Variants in LRRC37A2 observed in about 807,000 individuals in gnomAD.
LRRC37A2 encodes the protein leucine-rich repeat-containing protein 37A2.
In LRRC37A2, 9 loss-of-function variants were observed where a neutral mutation model predicts 68.8. That is an observed-to-expected ratio of 0.13 (90% CI 0.08 to 0.23). LRRC37A2 has a LOEUF of 0.23. Ranked by LOEUF, LRRC37A2 falls within the 10% of genes least tolerant of loss-of-function variation. LRRC37A2 has a pLI of 1.00. For synonymous variants in LRRC37A2, 63 were observed against 367.6 expected, an observed-to-expected ratio of 0.17 and a Z score of 9.48; for missense variants, 168 against 950.4, an observed-to-expected ratio of 0.18 and a Z score of 10.82.
chr17:47,022,168 C>CTTTTTTTTTTTTTTTT, the LRRC37A2 span, among the ~76,000 whole-genome samples: 4 of 19,708 alleles, frequency 2.0e-4, no homozygotes, highest in Non-Finnish European at 2.9e-4. Context: ...TTTTTGTTCT[C>CTTTTTTTTTTTTTTTT]TTTTTTTTTT....
chr17:46,885,452 A>C, the LRRC37A2 span: 2 of 157,934 alleles, frequency 1.3e-5, no homozygotes. Context: ...ACAGGCGTGC[A>C]CCACCACGCT....
chr17:46,602,172 TTTTG>T, the LRRC37A2 span, among the ~76,000 whole-genome samples: 9 of 118,546 alleles, frequency 7.6e-5, no homozygotes, highest in African/African-American at 3.1e-4. Flanking sequence ...CGAGACAGTT[TTTTG>T]TTTGTTTGTT....
At chr17:46,502,515 T>C in the LRRC37A2 span, among the ~76,000 whole-genome samples, 1 of 150,860 alleles carries the variant, frequency 6.6e-6, no homozygotes, top group Non-Finnish European at 1.5e-5. Flanking sequence ...TTGGTCAGGC[T>C]GGTCTCGAAC....
chr17:46,897,677 G>T, the LRRC37A2 span, among the ~76,000 whole-genome samples: 7 of 151,662 alleles, frequency 4.6e-5, no homozygotes, highest in Non-Finnish European at 1.0e-4. Flanking sequence ...TGTAGAGATG[G>T]GGTCTCACCG....
At chr17:46,971,005 G>C in the LRRC37A2 span, among the ~76,000 whole-genome samples, 3 of 152,140 alleles carry the variant, frequency 2.0e-5, no homozygotes, top group African/African-American at 7.2e-5. Flanking sequence ...GCTACTGTTT[G>C]CCAACATTTT....
the LRRC37A2 span, among the ~76,000 whole-genome samples, chr17:46,958,987 A>T: frequency 3.3e-4 from 50 of 152,338 alleles, no homozygotes; most frequent in East Asian, 8.9e-3. Context: ...GCCAATGCAA[A>T]AATAAGAGGT....
the LRRC37A2 span, among the ~76,000 whole-genome samples, chr17:46,711,396 A>C: frequency 6.6e-6 from 1 of 152,224 alleles, no homozygotes; most frequent in Non-Finnish European, 1.5e-5. Context: ...ACTTAGCCTC[A>C]ATTCAATTAA....
At chr17:46,834,692 C>G in the LRRC37A2 span, among the ~76,000 whole-genome samples, 1 of 152,154 alleles carries the variant, frequency 6.6e-6, no homozygotes, top group Non-Finnish European at 1.5e-5. Context: ...CACCCCTCCC[C>G]CATGCAGAGG....
chr17:46,904,912 C>T, the LRRC37A2 span, among the ~76,000 whole-genome samples: 1 of 152,144 alleles, frequency 6.6e-6, no homozygotes, highest in Admixed American at 6.5e-5. Context: ...CTTTGGGGCC[C>T]CTCCCGGGTC....
chr17:46,913,381 CT>C, the LRRC37A2 span, among the ~76,000 whole-genome samples: 56 of 152,214 alleles, frequency 3.7e-4, 1 homozygote, highest in Non-Finnish European at 8.2e-4. Context: ...ACTGGGACCC[CT>C]GTGACGAGTG....
chr17:46,748,532 G>A, the LRRC37A2 span, among the ~76,000 whole-genome samples: 1 of 152,176 alleles, frequency 6.6e-6, no homozygotes, highest in Non-Finnish European at 1.5e-5. Flanking sequence ...CACTCTTTCT[G>A]AGGAAGCTTT....
At chr17:46,476,566 C>T in the LRRC37A2 span, among the ~76,000 whole-genome samples, 14 of 100,660 alleles carry the variant, frequency 1.4e-4, no homozygotes, top group African/African-American at 3.7e-4. Flanking sequence ...CACCTGTAAT[C>T]CCAGCTACTC....
At chr17:46,807,875 T>C in the LRRC37A2 span, among the ~76,000 whole-genome samples, 3 of 152,212 alleles carry the variant, frequency 2.0e-5, no homozygotes, top group Non-Finnish European at 2.9e-5. Context: ...AAGGGAAGCA[T>C]GCTTTATCAG....
At chr17:46,673,910 G>GT in the LRRC37A2 span, among the ~76,000 whole-genome samples, 262 of 6,992 alleles carry the variant, frequency 0.037, 91 homozygotes, top group East Asian at 0.18. Flanking sequence ...ATTCCATGGG[G>GT]GTGTGTGTGT....
chr17:46,811,302 T>C, the LRRC37A2 span, among the ~76,000 whole-genome samples: 3 of 152,102 alleles, frequency 2.0e-5, no homozygotes, highest in African/African-American at 7.2e-5. Context: ...GAAATGCTGA[T>C]GTCAACTCAG....
chr17:46,965,561 G>C, the LRRC37A2 span, among the ~76,000 whole-genome samples: 3 of 152,132 alleles, frequency 2.0e-5, no homozygotes, highest in African/African-American at 7.2e-5. Context: ...CAATTTCCAG[G>C]AAATCCTCGT....
chr17:46,768,951 T>A, the LRRC37A2 span: 2 of 1,220,860 alleles, frequency 1.6e-6, no homozygotes, highest in Non-Finnish European at 2.2e-6. The surrounding 1 kb of genome is among the most constrained non-coding windows in gnomAD (Gnocchi z 5.0). Flanking sequence ...AGGCAAGACC[T>A]AAAGAATAGT....
chr17:46,558,421 C>CT (rs1318267379), downstream of LRRC37A2, among the ~76,000 whole-genome samples: 2 of 110,386 alleles, frequency 1.8e-5, no homozygotes, highest in African/African-American at 7.8e-5. Context: ...GAGACAGTCT[C>CT]TGTCACCCAG....
At chr17:46,722,911 C>T in the LRRC37A2 span, among the ~76,000 whole-genome samples, 1 of 152,112 alleles carries the variant, frequency 6.6e-6, no homozygotes, top group Non-Finnish European at 1.5e-5. Context: ...TGTGAGTGCA[C>T]CTCTCCCTCT....
Sources: allele counts gnomAD v4.1 joint callset (sites outside exome capture counted in the v4.1 genomes callset), GRCh38; gene constraint gnomAD v4.1.1; non-coding constraint Gnocchi (gnomAD v3.1); transcripts MANE v1.5; gene names NCBI Gene and HGNC (gene_info 2026-07-23, HGNC 2026-07-21).